Variants in XYLT1 observed in about 807,000 individuals in gnomAD.
XYLT1 encodes beta-D-xylosyltransferase 1.
Under a neutral mutation model 91.3 loss-of-function variants are expected in XYLT1, and 36 were observed. That is an observed-to-expected ratio of 0.39 (90% CI 0.30 to 0.52). XYLT1 has a LOEUF of 0.52. Ranked by LOEUF, XYLT1 falls within the 20% of genes least tolerant of loss-of-function variation. XYLT1 has a pLI of 0.68. For synonymous variants in XYLT1, 588 were observed against 532.0 expected, an observed-to-expected ratio of 1.11 and a Z score of -1.45; for missense variants, 1,242 against 1,284.5, an observed-to-expected ratio of 0.97 and a Z score of 0.51.
intron 10 of XYLT1, among the ~76,000 whole-genome samples, chr16:17,122,381 C>T (rs1461229524): frequency 1.3e-5 from 2 of 152,222 alleles, no homozygotes; most frequent in Non-Finnish European, 2.9e-5. Flanking sequence ...GTTCGTTGGC[C>T]ATTTGTATAT....
chr16:17,470,543 C>T lies in XYLT1; in HGVS notation c.254G>A (p.Gly85Asp). Reference sequence around the variant, plus strand: ...GGGCCCCCGTCCTCCTCCTCCTCCGCCGCCGCCTCCTCCTCCTCCTCGGGC... The same window carrying T: ...GGGCCCCCGTCCTCCTCCTCCTCCGTCGCCGCCTCCTCCTCCTCCTCGGGC... ...AAARGGGGGG[G>D]GGGGGRGPQA... Residue 85 changes from glycine to aspartate, a missense_variant, in exon 1 of 12, where the codon GGC becomes GAC. Physicochemically the swap from Gly to Asp is moderately conservative, Grantham distance 94. Around this residue, in one of 3 missense-constraint regions of XYLT1, gnomAD observed 437 missense variants for 411.5 expected, o/e 1.06. Transcript: ENST00000261381. 8.2e-7 allele frequency: 1 copy of T among 1,223,462 alleles called. No homozygotes were observed. Among genetic ancestry groups the T allele is most frequent in the Non-Finnish European group, 1.0e-6 (1 of 983,056 alleles). 75.8% of individuals were successfully genotyped at this position (1,223,462 alleles called of 1,614,324 possible). A position where few individuals can be genotyped will look rare whatever the true frequency, so the allele number is the denominator to read the frequency against.
chr16:17,396,950 G>A (rs753297326), intron 1 of XYLT1, among the ~76,000 whole-genome samples: 8 of 152,058 alleles, frequency 5.3e-5, no homozygotes, highest in Admixed American at 1.3e-4. Flanking sequence ...GCCTATTTTC[G>A]CAAATAAAAT....
chr16:17,178,360 G>A (rs767715902), intron 5 of XYLT1, among the ~76,000 whole-genome samples: 33 of 152,162 alleles, frequency 2.2e-4, no homozygotes, highest in Non-Finnish European at 4.1e-4. Context: ...GGGAGGTAGA[G>A]CAGAAGGCCT....
chr16:17,248,150 G>A (rs2033473738), intron 3 of XYLT1, among the ~76,000 whole-genome samples: 2 of 152,180 alleles, frequency 1.3e-5, no homozygotes, highest in South Asian at 4.1e-4. Context: ...CTGTTCTCGT[G>A]ATAGTGAATA....
Position 17,102,347 on chromosome 16 carries a change from A to G in XYLT1, c.*6348T>C, listed in dbSNP as rs1278887211. ...TGTTCCATAAAGGCAGTGTTTTTTT[A>G]ATTTTAAAATTCTGCATCTGAAAAC... On this transcript the variant is annotated 3_prime_UTR_variant, in exon 12 of 12. Coordinates refer to ENST00000261381, the MANE Select transcript of XYLT1 (RefSeq NM_022166.4). 6.6e-6 allele frequency: 1 copy of G among 152,616 alleles called. No individual in the cohort carries two copies. The highest frequency in any genetic ancestry group is 1.5e-5 in the Non-Finnish European group (1 of 68,032). 9.5% of individuals were successfully genotyped at this position (152,616 alleles called of 1,614,324 possible).
intron 5 of XYLT1, chr16:17,194,101 C>A (rs1746195473): frequency 6.6e-6 from 1 of 152,200 alleles, no homozygotes; most frequent in African/African-American, 2.4e-5. Context: ...CTGGGCCTCT[C>A]AGAGATACAA....
intron 1 of XYLT1, among the ~76,000 whole-genome samples, chr16:17,428,474 AT>A (rs1430053543): frequency 2.0e-5 from 3 of 152,196 alleles, no homozygotes; most frequent in African/African-American, 7.2e-5. Flanking sequence ...GAATTAAGAG[AT>A]GCACCTGACT....
At chr16:17,209,290 G>A (rs768367604) in intron 3 of XYLT1, among the ~76,000 whole-genome samples, 6 of 152,164 alleles carry the variant, frequency 3.9e-5, no homozygotes, top group Non-Finnish European at 5.9e-5. Flanking sequence ...TTCACTTGGC[G>A]CAGTGCCCTC....
intron 10 of XYLT1, 63 bp from the exon 11 acceptor site, chr16:17,118,042 G>A: frequency 1.3e-6 from 2 of 1,511,894 alleles, no homozygotes; most frequent in Non-Finnish European, 8.9e-7. Context: ...GTCTCAGAAA[G>A]GTCTAGGATC....
rs1473842127 is a variant in XYLT1, at chr16:17,470,620, CGGG to C, written c.174_176del (p.Pro59del). On this transcript the variant is annotated inframe_deletion, in exon 1 of 12. Coordinates refer to ENST00000261381, the MANE Select transcript of XYLT1 (RefSeq NM_022166.4). ...GGCGCTCCCGGCGCGGGGCCGGGGC[CGGG>C]GGCGGCTGCTCCCCGCCGCCGACCG... 1 of 1,122,684 alleles carries C rather than the reference CGGG, an allele frequency of 8.9e-7. No homozygotes were observed. Among genetic ancestry groups the C allele is most frequent in the Non-Finnish European group, 1.1e-6 (1 of 921,888 alleles). 69.5% of individuals were successfully genotyped at this position (1,122,684 alleles called of 1,614,324 possible). A position where few individuals can be genotyped will look rare whatever the true frequency, so the allele number is the denominator to read the frequency against.
chr16:17,456,415 G>T (rs1241991923), intron 1 of XYLT1, among the ~76,000 whole-genome samples: 1 of 145,164 alleles, frequency 6.9e-6, no homozygotes, highest in East Asian at 2.0e-4. Flanking sequence ...ACGGCTCACA[G>T]CAGCCTCAAC....
chr16:17,147,784 C>T (rs1263240370), intron 6 of XYLT1, among the ~76,000 whole-genome samples: 1 of 152,126 alleles, frequency 6.6e-6, no homozygotes, highest in Non-Finnish European at 1.5e-5. Flanking sequence ...CTTTCTTTAC[C>T]ATAACTTGAA....
At chr16:17,411,298 C>T (rs2036104101) in intron 1 of XYLT1, among the ~76,000 whole-genome samples, 1 of 152,144 alleles carries the variant, frequency 6.6e-6, no homozygotes, top group Non-Finnish European at 1.5e-5. Flanking sequence ...AACATTATAA[C>T]CCCCTTCATG....
intron 1 of XYLT1, chr16:17,369,537 C>G (rs967069184): frequency 6.6e-6 from 1 of 152,128 alleles, no homozygotes; most frequent in Non-Finnish European, 1.5e-5. Context: ...CATACCTTAC[C>G]CCTCCCCCAC....
In XYLT1 at chr16:17,361,948, T is replaced by C. The variant is rs1458045971; in HGVS notation, c.364-3898A>G. On this transcript the variant is annotated intron_variant, in intron 1 of 11. Transcript: ENST00000261381. ...GCGTGTATCATTTCGTTTACCCCTG[T>C]AATAACCCTAAGAGGTAGATACTAT... Among the ~76,000 whole-genome samples, 3 of 152,324 alleles carry C rather than the reference T, an allele frequency of 2.0e-5. No homozygotes were observed. The East Asian group carries it at 5.8e-4, about 29-fold the overall frequency.
At chr16:17,371,846 A>G (rs1418117839) in intron 1 of XYLT1, among the ~76,000 whole-genome samples, 2 of 152,240 alleles carry the variant, frequency 1.3e-5, no homozygotes, top group East Asian at 1.9e-4. Flanking sequence ...GAGAGAGTGT[A>G]TGTGTGTGAA....
chr16:17,405,875 G>GGAT (rs1226451208), intron 1 of XYLT1, among the ~76,000 whole-genome samples: 7 of 152,176 alleles, frequency 4.6e-5, no homozygotes, highest in African/African-American at 1.4e-4. Context: ...TACAGAGGGG[G>GGAT]GATGAAAACT....
chr16:17,189,686 G>C (rs114963932), intron 5 of XYLT1, among the ~76,000 whole-genome samples: 17 of 152,204 alleles, frequency 1.1e-4, no homozygotes. Context: ...GAACCTCAAC[G>C]ATATTAAGCT....
rs118124120 is a variant in XYLT1, at chr16:17,148,176, G to A, written c.1371-6807C>T. On this transcript the variant is annotated intron_variant, in intron 6 of 11. Transcript: ENST00000261381. ...CAGCCTCCTGAATCAGCTGCAAAGTGTGATGGATGATGCTTCTCACAGGGC... is the reference window on the plus strand; with the variant it reads ...CAGCCTCCTGAATCAGCTGCAAAGTATGATGGATGATGCTTCTCACAGGGC... Among the ~76,000 whole-genome samples, 185 of 152,326 alleles carry A rather than the reference G, an allele frequency of 1.2e-3. 5 individuals carry two copies. The East Asian group carries it at 0.033, about 27-fold the overall frequency.
Sources: gnomAD v4.1 joint callset for allele counts (sites outside exome capture counted in the v4.1 genomes callset) on GRCh38, gnomAD v4.1.1 for gene constraint, gnomAD v4.1.1 regional missense constraint, MANE v1.5 for transcripts, NCBI Gene and HGNC (gene_info 2026-07-23, HGNC 2026-07-21) for gene names.